Variants in FMN1 observed in about 807,000 individuals in gnomAD.
The protein encoded by FMN1 is formin-1.
FMN1 carries 110 observed loss-of-function variants against 132.4 expected under a neutral mutation model. That is an observed-to-expected ratio of 0.83 (90% CI 0.71 to 0.97). The LOEUF is 0.97. Among genes scored for constraint, FMN1 ranks in the 50% least tolerant of loss-of-function variants. FMN1 has a pLI of 0.00. For missense variants in FMN1, 1,792 were observed against 1,705.3 expected, an observed-to-expected ratio of 1.05 and a Z score of -0.90; for synonymous variants, 722 against 651.7, an observed-to-expected ratio of 1.11 and a Z score of -1.64.
intron 7 of FMN1, among the ~76,000 whole-genome samples, chr15:32,976,689 G>C (rs1243280207): frequency 6.6e-6 from 1 of 152,198 alleles, no homozygotes; most frequent in Non-Finnish European, 1.5e-5. Context: ...ATTAGAACTT[G>C]CTGGGAGGGA....
At chr15:33,028,884 TC>T (rs1355953000) in intron 6 of FMN1, among the ~76,000 whole-genome samples, 1 of 152,162 alleles carries the variant, frequency 6.6e-6, no homozygotes, top group Non-Finnish European at 1.5e-5. Context: ...CTCCTATTGA[TC>T]CGACGCTAGT....
intron 8 of FMN1, among the ~76,000 whole-genome samples, chr15:32,967,518 G>A (rs1047610170): frequency 6.6e-6 from 1 of 152,086 alleles, no homozygotes; most frequent in Admixed American, 6.5e-5. Context: ...TCTTTATTGG[G>A]AAAAAGGGAA....
rs148891723 is a variant in FMN1, at chr15:33,001,215, G to A, written c.2223+6799C>T. On this transcript the variant is annotated intron_variant, in intron 7 of 20. Transcript: ENST00000616417. The stretch of plus-strand genomic sequence containing the variant: ...AGAGAACCGCTTAAATCTGGGAGGC[G>A]GAGGTTGCAGTGAGCCGAGATCACA... 2.0e-3 allele frequency among the ~76,000 whole-genome samples: 306 copies of A among 152,218 alleles called. 4 individuals are homozygous for A. The highest frequency in any genetic ancestry group is 7.1e-3 in the African/African-American group (293 of 41,530).
At chr15:33,042,828 T>C (rs1294424811) in intron 6 of FMN1, among the ~76,000 whole-genome samples, 1 of 151,918 alleles carries the variant, frequency 6.6e-6, no homozygotes, top group Non-Finnish European at 1.5e-5. Context: ...GGGAATTAAT[T>C]TGCCCAGAGT....
intron 4 of FMN1, among the ~76,000 whole-genome samples, chr15:33,118,543 A>G (rs1237815216): frequency 6.6e-6 from 1 of 152,216 alleles, no homozygotes; most frequent in Non-Finnish European, 1.5e-5. Context: ...TAATTTCAGT[A>G]TAAACTTGTT....
intron 6 of FMN1, among the ~76,000 whole-genome samples, chr15:33,015,356 G>A (rs1367943082): frequency 6.6e-6 from 1 of 152,166 alleles, no homozygotes; most frequent in Non-Finnish European, 1.5e-5. Flanking sequence ...GGGTCAGAGT[G>A]AATGGTGTGA....
intron 19 of FMN1, among the ~76,000 whole-genome samples, chr15:32,781,767 A>G (rs2056671209): frequency 6.6e-6 from 1 of 152,174 alleles, no homozygotes; most frequent in South Asian, 2.1e-4. Context: ...CCAAACCTCA[A>G]TTTCCTCATC....
intron 4 of FMN1, among the ~76,000 whole-genome samples, chr15:33,135,254 A>G (rs1398120916): frequency 6.6e-6 from 1 of 152,174 alleles, no homozygotes; most frequent in African/African-American, 2.4e-5. Context: ...CTCTACATAA[A>G]TTATTTTTTC....
At chr15:32,816,784 C>G (rs527429275) in intron 17 of FMN1, among the ~76,000 whole-genome samples, 2 of 152,326 alleles carry the variant, frequency 1.3e-5, no homozygotes, top group South Asian at 4.1e-4. Context: ...AGTTAAATTT[C>G]ATTGGGCAGT....
intron 16 of FMN1, among the ~76,000 whole-genome samples, chr15:32,871,950 C>T (rs1485914737): frequency 1.3e-5 from 2 of 151,918 alleles, no homozygotes; most frequent in Non-Finnish European, 2.9e-5. Context: ...AAACACAAGA[C>T]CATAACTGGT....
chr15:32,917,637 G>T (rs2060716303), intron 10 of FMN1, among the ~76,000 whole-genome samples: 1 of 152,164 alleles, frequency 6.6e-6, no homozygotes, highest in Non-Finnish European at 1.5e-5. Flanking sequence ...CACACTGCTT[G>T]GTTTCCCAAG....
At chr15:33,009,923 G>C (rs866447542) in intron 6 of FMN1, among the ~76,000 whole-genome samples, 1 of 106,910 alleles carries the variant, frequency 9.4e-6, no homozygotes, top group Non-Finnish European at 2.0e-5. Context: ...AGTTTCACTC[G>C]TTTCCCAGGC....
chr15:32,967,264 T>A (rs1458755634), intron 8 of FMN1, among the ~76,000 whole-genome samples: 2 of 152,196 alleles, frequency 1.3e-5, no homozygotes, highest in African/African-American at 4.8e-5. Context: ...CCAGTGGGAC[T>A]CTTTGATGGC....
intron 4 of FMN1, among the ~76,000 whole-genome samples, chr15:33,115,714 T>TG (rs2039898592): frequency 2.0e-5 from 3 of 152,170 alleles, no homozygotes; most frequent in Admixed American, 1.3e-4. Flanking sequence ...TCACCCTTCC[T>TG]GCCTCTCATA....
intron 9 of FMN1, among the ~76,000 whole-genome samples, chr15:32,961,283 G>A (rs149929894): frequency 0.2 from 30,763 of 151,488 alleles, 4,462 homozygotes; most frequent in African/African-American, 0.41. Flanking sequence ...ACAGGCGCCC[G>A]CCACCACACC....
At chr15:32,988,679 T>C (rs140693387) in intron 7 of FMN1, among the ~76,000 whole-genome samples, 68 of 152,310 alleles carry the variant, frequency 4.5e-4, no homozygotes, top group African/African-American at 1.6e-3. Context: ...TGTTGCTAAC[T>C]AGAAGTAACC....
chr15:33,119,809 GTCT>G (rs1415250991), intron 4 of FMN1, among the ~76,000 whole-genome samples: 3 of 152,116 alleles, frequency 2.0e-5, no homozygotes, highest in South Asian at 2.1e-4. Context: ...TTGAAAGCCA[GTCT>G]TCTTCTTTGC....
chr15:33,036,663 T>A (rs2036206698), intron 6 of FMN1, among the ~76,000 whole-genome samples: 1 of 152,172 alleles, frequency 6.6e-6, no homozygotes, highest in Admixed American at 6.5e-5. Flanking sequence ...AGCTACAATA[T>A]CTTTATCAGC....
At chr15:33,152,174 G>T (rs1964464365) in intron 4 of FMN1, among the ~76,000 whole-genome samples, 1 of 152,166 alleles carries the variant, frequency 6.6e-6, no homozygotes, top group South Asian at 2.1e-4. Flanking sequence ...AAAACCCTGA[G>T]ATTCTGGCCA....
Sources: allele counts gnomAD v4.1 joint callset (sites outside exome capture counted in the v4.1 genomes callset), GRCh38; gene constraint gnomAD v4.1.1; transcripts MANE v1.5; gene names NCBI Gene and HGNC (gene_info 2026-07-23, HGNC 2026-07-21).